MUC7: variants seen among roughly 807,000 people sequenced by gnomAD.
The protein encoded by MUC7 is mucin 7, secreted.
A neutral mutation model predicts 2.5 loss-of-function variants in MUC7; 2 were observed. That is an observed-to-expected ratio of 0.81 (90% CI 0.33 to 2.55). The LOEUF (loss-of-function observed/expected upper bound fraction) is 2.55, where lower values mean the gene tolerates loss of function less well. Among genes scored for constraint, MUC7 ranks in the 30% most tolerant of loss-of-function variants. The pLI is 0.11. For missense variants in MUC7, 408 were observed against 455.6 expected (o/e 0.90, Z 0.95); for synonymous variants, 133 against 173.4 (o/e 0.77, Z 1.83).
At chr4:70,457,726 A>C (rs1426375208) in intron 1 of MUC7, among the ~76,000 whole-genome samples, 6 of 152,106 alleles carry the variant, frequency 3.9e-5, no homozygotes, top group Non-Finnish European at 5.9e-5. Context: ...GAAATAGACA[A>C]ATTTAAATAG....
At chr4:70,434,702 T>C (rs958444331) in intron 1 of MUC7, among the ~76,000 whole-genome samples, 3 of 152,190 alleles carry the variant, frequency 2.0e-5, no homozygotes, top group African/African-American at 7.2e-5. Context: ...TTTTTGTGTC[T>C]CTACCCCCTT....
At chr4:70,475,634 A>G (rs1166840277) in intron 2 of MUC7, among the ~76,000 whole-genome samples, 3 of 152,230 alleles carry the variant, frequency 2.0e-5, no homozygotes, top group South Asian at 2.1e-4. Flanking sequence ...GATTAAAATT[A>G]ATAATGATAT....
intron 1 of MUC7, among the ~76,000 whole-genome samples, chr4:70,438,656 C>A (rs1733924691): frequency 6.6e-6 from 1 of 152,024 alleles, no homozygotes; most frequent in East Asian, 1.9e-4. Flanking sequence ...TGAGGTTTCA[C>A]CATGTTGGCC....
chr4:70,481,666 A>T lies in MUC7; in HGVS notation c.922A>T (p.Ile308Phe). Reference sequence around the variant, plus strand: ...TCCACAAGAGACCACAGCTGCCCCAATTACCACACCTAATTCTTCCCCAAC... The same window carrying T: ...TCCACAAGAGACCACAGCTGCCCCATTTACCACACCTAATTCTTCCCCAAC... ...PAPQETTAAP[I>F]TTPNSSPTTL... is the part of the protein sequence containing the mutation. Residue 308 changes from isoleucine (I) to phenylalanine (F), a missense_variant, in exon 3 of 3, where the codon ATT becomes TTT. Physicochemically the swap from Ile to Phe is conservative, Grantham distance 21 (BLOSUM62 0). Coordinates refer to ENST00000304887, the MANE Select transcript of MUC7 (RefSeq NM_152291.3). 1 of 1,613,846 alleles carries T rather than the reference A, an allele frequency of 6.2e-7. No homozygotes were observed. The highest frequency in any genetic ancestry group is 8.5e-7 in the Non-Finnish European group (1 of 1,179,950).
chr4:70,462,807 TA>T (rs33971256), intron 1 of MUC7, among the ~76,000 whole-genome samples: 122,437 of 150,168 alleles, frequency 0.82, 50,177 homozygotes, highest in Middle Eastern at 0.88. Context: ...ACCCTATCTC[TA>T]AAAAAAAAAA....
At chr4:70,443,273 C>T (rs1734049120) in intron 1 of MUC7, among the ~76,000 whole-genome samples, 1 of 150,622 alleles carries the variant, frequency 6.6e-6, no homozygotes, top group Non-Finnish European at 1.5e-5. Context: ...ATCTAGGCAA[C>T]AGGGAAATAA....
At chr4:70,452,907 GTCTGGGAAAGTC>G (rs1213412475) in intron 1 of MUC7, among the ~76,000 whole-genome samples, 2 of 152,148 alleles carry the variant, frequency 1.3e-5, no homozygotes, top group Non-Finnish European at 2.9e-5. Flanking sequence ...GGTTTTGTTT[GTCTGGGAAAGTC>G]TCTATTCCTC....
chr4:70,438,097 C>T (rs1733907218), intron 1 of MUC7, among the ~76,000 whole-genome samples: 1 of 152,164 alleles, frequency 6.6e-6, no homozygotes, highest in Non-Finnish European at 1.5e-5. Context: ...CTGTAAGCTA[C>T]TCAAGCTGTA....
At chr4:70,432,266 A>G (rs1004144344) in intron 1 of MUC7, among the ~76,000 whole-genome samples, 14 of 152,344 alleles carry the variant, frequency 9.2e-5, no homozygotes, top group Middle Eastern at 3.4e-3. Context: ...TATATCCAGT[A>G]GTGGGATGGC....
In MUC7 at chr4:70,432,300, T is replaced by C. The variant is rs147895428; in HGVS notation, c.-93+1613T>C. ...GCTGGGTCAAATGGTATTTCTAGTT[T>C]TAGATCCTTGAGGAATCACCACACT... On this transcript the variant is annotated intron_variant, in intron 1 of 3. Transcript: ENST00000413702. Among the ~76,000 whole-genome samples, 140 of 152,292 alleles carry C rather than the reference T, an allele frequency of 9.2e-4. 1 individual carries two copies. The highest frequency in any genetic ancestry group is 3.1e-3 in the African/African-American group (130 of 41,576).
At chr4:70,438,461 G>GTTTTGTTTTGT (rs1560544445) in intron 1 of MUC7, among the ~76,000 whole-genome samples, 64 of 104,164 alleles carry the variant, frequency 6.1e-4, no homozygotes, top group African/African-American at 2.3e-3. Flanking sequence ...TTTTGTTTTG[G>GTTTTGTTTTGT]TTTGGTTTGG....
chr4:70,460,764 T>C (rs1734535400), intron 1 of MUC7, among the ~76,000 whole-genome samples: 1 of 152,080 alleles, frequency 6.6e-6, no homozygotes. Context: ...GGGTGGACAC[T>C]GGGGGATGTC....
At position 70,481,609 on chromosome 4, in the gene MUC7, G is replaced by A. The variant is rs771254039; in HGVS notation, c.865G>A (p.Ala289Thr). The A allele has an allele frequency of 6.2e-7, 1 of 1,610,924 alleles. No individual in the cohort carries two copies. The highest frequency in any genetic ancestry group is 8.5e-7 in the Non-Finnish European group (1 of 1,179,188). Residue 289 changes from alanine (A) to threonine (T), a missense_variant, in exon 3 of 3, where the codon GCA (alanine) becomes ACA (threonine). Physicochemically the swap from Ala to Thr is moderately conservative, Grantham distance 58 (BLOSUM62 0). Transcript: ENST00000304887. Reference sequence around the variant, plus strand: ...CACAGCTGCCCCACCCACACCTTCTGCAACTACACCAGCTCCACCGTCTTC... The same window carrying A: ...CACAGCTGCCCCACCCACACCTTCTACAACTACACCAGCTCCACCGTCTTC... ...ETTAAPPTPSATTPAPPSSPA... is the reference protein window; with the variant it reads ...ETTAAPPTPSTTTPAPPSSPA...
intron 1 of MUC7, among the ~76,000 whole-genome samples, chr4:70,458,657 G>A (rs1734469621): frequency 6.6e-6 from 1 of 151,900 alleles, no homozygotes; most frequent in African/African-American, 2.4e-5. Context: ...AAACAAAACA[G>A]CTTGGAAAAC....
At chr4:70,479,934 C>A (rs569380469) in intron 2 of MUC7, among the ~76,000 whole-genome samples, 4 of 152,126 alleles carry the variant, frequency 2.6e-5, no homozygotes, top group Non-Finnish European at 5.9e-5. Context: ...CTCTACCAGG[C>A]GGCCTTAGGA....
chr4:70,448,647 A>T (rs1216659971), intron 1 of MUC7, among the ~76,000 whole-genome samples: 1 of 152,184 alleles, frequency 6.6e-6, no homozygotes, highest in Non-Finnish European at 1.5e-5. Context: ...GAGTTGTTTG[A>T]ACACATTATA....
At chr4:70,464,005 T>A (rs976455972) in intron 1 of MUC7, among the ~76,000 whole-genome samples, 1 of 152,160 alleles carries the variant, frequency 6.6e-6, no homozygotes, top group African/African-American at 2.4e-5. Flanking sequence ...CCCAGTGAGA[T>A]CAACACGGAA....
chr4:70,450,875 G>A (rs1275767684), intron 1 of MUC7, among the ~76,000 whole-genome samples: 2 of 152,104 alleles, frequency 1.3e-5, no homozygotes, highest in Non-Finnish European at 2.9e-5. Flanking sequence ...TGGTAAGAAG[G>A]GGTCTCTTTT....
intron 1 of MUC7, among the ~76,000 whole-genome samples, chr4:70,433,812 A>G (rs1733746883): frequency 6.6e-6 from 1 of 152,238 alleles, no homozygotes; most frequent in East Asian, 1.9e-4. Context: ...CAGTTTTCAA[A>G]GGGAATGCTT....
Sources: allele counts gnomAD v4.1 joint callset (sites outside exome capture counted in the v4.1 genomes callset), GRCh38; gene constraint gnomAD v4.1.1; transcripts MANE v1.5; gene names NCBI Gene and HGNC (gene_info 2026-07-23, HGNC 2026-07-21).